NBEAL1: variants seen among roughly 807,000 people sequenced by gnomAD.
NBEAL1 encodes neurobeachin like 1.
NBEAL1 carries 273 observed loss-of-function variants against 351.3 expected under a neutral mutation model. That is an observed-to-expected ratio of 0.78 (90% CI 0.70 to 0.86). The LOEUF is 0.86. Ranked by LOEUF, NBEAL1 falls within the 40% of genes least tolerant of loss-of-function variation. The pLI is 0.00. For synonymous variants in NBEAL1, 1,050 were observed against 1,086.4 expected (o/e 0.97, Z 0.66); for missense variants, 2,961 against 3,201.3 (o/e 0.92, Z 1.81).
At chr2:203,216,742 T>C (rs951461818) in intron 55 of NBEAL1, among the ~76,000 whole-genome samples, 5 of 152,184 alleles carry the variant, frequency 3.3e-5, no homozygotes, top group African/African-American at 1.2e-4. Flanking sequence ...CATTAGAGCT[T>C]TCTCAAAGAC....
In NBEAL1 at chr2:203,132,062, A is replaced by G; in HGVS notation, c.3654A>G (p.Gly1218=). Residue 1218 remains glycine, a synonymous_variant, in exon 26 of 56, where the codon GGA becomes GGG. Transcript: ENST00000683969. ...GAGAAGTTGGCTACTCGGGACTGGG[A>G]CTCCTTCTTAATGAAGCACTTGTTA... ...RLREVGYSGL[G]LLLNEALVNT... 1 of 1,553,156 alleles carries G rather than the reference A, an allele frequency of 6.4e-7. No individual in the cohort carries two copies. Among genetic ancestry groups the G allele is most frequent in the Non-Finnish European group, 8.7e-7 (1 of 1,146,652 alleles).
At chr2:203,166,518 G>A (rs772271617) in intron 37 of NBEAL1, among the ~76,000 whole-genome samples, 13 of 152,066 alleles carry the variant, frequency 8.5e-5, no homozygotes, top group South Asian at 2.1e-4. Flanking sequence ...GGGAATTGCT[G>A]TAAACTTAAG....
chr2:203,092,603 A>G (rs371992230), intron 10 of NBEAL1, among the ~76,000 whole-genome samples: 102 of 152,262 alleles, frequency 6.7e-4, no homozygotes, highest in Non-Finnish European at 1.4e-3. Context: ...TCCATGTATC[A>G]TGATGGTATC....
intron 24 of NBEAL1, among the ~76,000 whole-genome samples, chr2:203,128,165 A>G (rs1575011049): frequency 6.6e-6 from 1 of 150,998 alleles, no homozygotes; most frequent in Non-Finnish European, 1.5e-5. Context: ...ACTCACTGCA[A>G]CCTCCATCTC....
chr2:203,186,899 ACT>A (rs758391534), intron 44 of NBEAL1, among the ~76,000 whole-genome samples: 4 of 152,018 alleles, frequency 2.6e-5, no homozygotes, highest in African/African-American at 4.8e-5. Context: ...ATTCCTAGAC[ACT>A]CTATTTTCTA....
chr2:203,199,414 C>T lies in NBEAL1; in HGVS notation c.7205C>T (p.Thr2402Ile), dbSNP rs2065329509. The T allele has an allele frequency of 3.1e-6, 5 of 1,604,602 alleles. No individual in the cohort carries two copies. Among genetic ancestry groups the T allele is most frequent in the Non-Finnish European group, 4.3e-6 (5 of 1,172,330 alleles). The change falls in exon 49 of 56, where the codon ACA becomes ATA. Residue 2402 changes from threonine (T) to isoleucine (I), a missense_variant. Transcript: ENST00000683969. ...GACAGAAACATTTCTAATTACTTTACATTCATCAAGGATCAAACTGTGACA... is the reference window on the plus strand; with the variant it reads ...GACAGAAACATTTCTAATTACTTTATATTCATCAAGGATCAAACTGTGACA... ...PYDRNISNYF[T>I]FIKDQTVTNP...
At chr2:203,017,550 A>G (rs1481422188) in intron 2 of NBEAL1, among the ~76,000 whole-genome samples, 1 of 152,166 alleles carries the variant, frequency 6.6e-6, no homozygotes, top group African/African-American at 2.4e-5. Context: ...AAGGAATCCA[A>G]TTCACCACTT....
chr2:203,159,955 C>T (rs1010980944), intron 36 of NBEAL1, among the ~76,000 whole-genome samples: 16 of 151,314 alleles, frequency 1.1e-4, no homozygotes, highest in South Asian at 8.3e-4. Context: ...GGTTTGAAGT[C>T]GTTTCTATCT....
chr2:203,117,846 CTT>C (rs78709491), intron 18 of NBEAL1, among the ~76,000 whole-genome samples: 4 of 139,210 alleles, frequency 2.9e-5, no homozygotes, highest in Admixed American at 7.3e-5. Context: ...CCATGCTGAG[CTT>C]TTTTTTTTTT....
At chr2:203,116,096 A>G (rs2062690997) in intron 18 of NBEAL1, 26 bp downstream of exon 18, 1 of 1,463,420 alleles carries the variant, frequency 6.8e-7, no homozygotes, top group Non-Finnish European at 9.4e-7. Context: ...TGAACTGTCC[A>G]TCTAGTTATA....
intron 5 of NBEAL1, among the ~76,000 whole-genome samples, 158 bp downstream of exon 5, chr2:203,056,666 A>C (rs1004665075): frequency 2.5e-4 from 38 of 152,196 alleles, no homozygotes; most frequent in Admixed American, 2.5e-3. Context: ...TCCCAGGTTC[A>C]AGTGATTCTC....
rs1410039173 is a variant in NBEAL1 at position 203,136,209 on chromosome 2, A to T, written c.4346A>T (p.Asp1449Val). The change falls in exon 28 of 56, where the codon GAT (aspartate) becomes GTT (valine). Residue 1449 changes from aspartate (D) to valine (V), a missense_variant. Asp to Val is a radical substitution (Grantham distance 152). Coordinates refer to ENST00000683969, the MANE Select transcript of NBEAL1 (RefSeq NM_001378026.1). ...HSDRESSITN[D>V]MGFSDDFSLL... ...GACAGAGAAAGCAGCATCACAAATGATATGGGCTTTAGTGATGACTTCTCT... is the reference window on the plus strand; with the variant it reads ...GACAGAGAAAGCAGCATCACAAATGTTATGGGCTTTAGTGATGACTTCTCT... 3 of 1,607,218 alleles carry T rather than the reference A, an allele frequency of 1.9e-6. No individual in the cohort carries two copies.
At chr2:203,214,846 C>G (rs1227256676) in intron 55 of NBEAL1, among the ~76,000 whole-genome samples, 2 of 152,118 alleles carry the variant, frequency 1.3e-5, no homozygotes, top group East Asian at 3.9e-4. Context: ...CTATTTTTAT[C>G]TAAAACATCA....
In NBEAL1 at chr2:203,224,319, GA is replaced by G. The variant is rs1241148385; in HGVS notation, c.*6968del. On this transcript the variant is annotated 3_prime_UTR_variant, in exon 56 of 56. Coordinates refer to ENST00000683969, the MANE Select transcript of NBEAL1 (RefSeq NM_001378026.1). ...CTATGTGGCTGGTTGGTTCCATTTA[GA>G]AACTCTTAACAGGTATGGCTTTCAT... 1.3e-5 allele frequency among the ~76,000 whole-genome samples: 2 copies of G among 152,010 alleles called. No individual in the cohort carries two copies. Among genetic ancestry groups the G allele is most frequent in the African/African-American group, 2.4e-5 (1 of 41,420 alleles).
At chr2:203,122,494 G>A (rs1408302794) in intron 19 of NBEAL1, among the ~76,000 whole-genome samples, 151 bp downstream of exon 19, 1 of 152,158 alleles carries the variant, frequency 6.6e-6, no homozygotes, top group Non-Finnish European at 1.5e-5. Flanking sequence ...GTAAACAAAT[G>A]CAAAGTTAAA....
At chr2:203,212,549 A>G (rs2065815266) in intron 54 of NBEAL1, among the ~76,000 whole-genome samples, 1 of 150,066 alleles carries the variant, frequency 6.7e-6, no homozygotes, top group Non-Finnish European at 1.5e-5. Flanking sequence ...CAGAGGTTGC[A>G]GTGACTGAGA....
intron 17 of NBEAL1, among the ~76,000 whole-genome samples, chr2:203,114,129 T>G (rs1252050375): frequency 6.6e-6 from 1 of 152,128 alleles, no homozygotes; most frequent in Non-Finnish European, 1.5e-5. Context: ...GCCTCTCCTG[T>G]GTCTCTTATT....
chr2:203,141,366 A>ATTATTATTATTATTATTT (rs1185870312), intron 31 of NBEAL1, among the ~76,000 whole-genome samples: 1 of 9,108 alleles, frequency 1.1e-4, no homozygotes, highest in African/African-American at 2.6e-4. Flanking sequence ...TATTATTATT[A>ATTATTATTATTATTATTT]TTTTTTTTTT....
In NBEAL1 at chr2:203,062,243, C is replaced by T. The variant is rs769006826; in HGVS notation, c.515+4790C>T. 33 of 457,838 alleles carry T rather than the reference C, an allele frequency of 7.2e-5. No individual in the cohort carries two copies. The highest frequency in any genetic ancestry group is 6.2e-4 in the African/African-American group (31 of 50,116). 28.4% of individuals were successfully genotyped at this position (457,838 alleles called of 1,614,324 possible). ...TTTCTCCCATATTTTCTGACTTGAT[C>T]GTCAACATTCTGGTCTTCCCATTTG... On this transcript the variant is annotated intron_variant, in intron 6 of 55. Coordinates refer to ENST00000683969, the MANE Select transcript of NBEAL1 (RefSeq NM_001378026.1). The surrounding 1 kb of genome is among the most constrained non-coding windows in gnomAD (Gnocchi z 4.2).
Sources: allele counts gnomAD v4.1 joint callset (sites outside exome capture counted in the v4.1 genomes callset), GRCh38; gene constraint gnomAD v4.1.1; non-coding constraint Gnocchi (gnomAD v3.1); transcripts MANE v1.5; gene names NCBI Gene and HGNC (gene_info 2026-07-23, HGNC 2026-07-21).